The following LHPP variants were observed in gnomAD, a reference collection of about 807,000 sequenced individuals.
The protein encoded by LHPP is phospholysine phosphohistidine inorganic pyrophosphate phosphatase, also known as hLHPP.
Under a neutral mutation model 30.3 loss-of-function variants are expected in LHPP, and 24 were observed. The observed-to-expected ratio is 0.79, with a 90% confidence interval of 0.57 to 1.11. LHPP has a LOEUF of 1.11. Ranked by LOEUF, LHPP falls within the 50% of genes most tolerant of loss-of-function variation. The pLI is 0.00. For synonymous variants in LHPP, 150 were observed against 157.1 expected (o/e 0.95, Z 0.34); for missense variants, 356 against 367.2 (o/e 0.97, Z 0.25).
At chr10:124,563,350 G>GA (rs1448763755) in intron 6 of LHPP, among the ~76,000 whole-genome samples, 1 of 135,094 alleles carries the variant, frequency 7.4e-6, no homozygotes, top group African/African-American at 2.8e-5. Context: ...AGATCCTGCA[G>GA]AAAAAAGAAA....
rs1948671279 is a variant in LHPP, at chr10:124,576,947, T to A, written c.717-36317T>A. ...CATGATCCTGAGTGCACAGGTACATTGCTCCGCCCTCTCAACAGCCACGAC... is the reference window on the plus strand; with the variant it reads ...CATGATCCTGAGTGCACAGGTACATAGCTCCGCCCTCTCAACAGCCACGAC... On this transcript the variant is annotated intron_variant, in intron 6 of 6. Transcript: ENST00000368842. This position sits in a 1 kb window ranked among gnomAD's most constrained non-coding sequence, Gnocchi z 4.2. Among the ~76,000 whole-genome samples, 1 of 152,180 alleles carries A rather than the reference T, an allele frequency of 6.6e-6. No individual in the cohort carries two copies. Among genetic ancestry groups the A allele is most frequent in the South Asian group, 2.1e-4 (1 of 4,832 alleles).
intron 1 of LHPP, among the ~76,000 whole-genome samples, chr10:124,474,860 C>T (rs1190171531): frequency 4.6e-5 from 7 of 152,066 alleles, no homozygotes; most frequent in African/African-American, 1.7e-4. Flanking sequence ...TGCCCCTGGG[C>T]GATACACTCT....
chr10:124,591,662 T>C (rs1175911068), intron 6 of LHPP, among the ~76,000 whole-genome samples: 2 of 151,960 alleles, frequency 1.3e-5, no homozygotes, highest in East Asian at 3.9e-4. Context: ...TTCCTTAAGA[T>C]GGGAGCTTCA....
At position 124,541,953 on chromosome 10, in the gene LHPP, C is replaced by A. The variant is rs1298756507; in HGVS notation, c.716+24682C>A. On this transcript the variant is annotated intron_variant, in intron 6 of 6. Transcript: ENST00000368842. The surrounding 1 kb of genome is among the most constrained non-coding windows in gnomAD (Gnocchi z 4.2). ...TCGCAGAGTGCCCTGTGCCCACATG[C>A]TGTCCCTGTCCAGACATGAAACGGA... 6.6e-6 allele frequency among the ~76,000 whole-genome samples: 1 copy of A among 152,124 alleles called. No individual in the cohort carries two copies. Among genetic ancestry groups the A allele is most frequent in the African/African-American group, 2.4e-5 (1 of 41,416 alleles).
At chr10:124,532,178 C>T (rs1430746144) in intron 6 of LHPP, among the ~76,000 whole-genome samples, 1 of 152,204 alleles carries the variant, frequency 6.6e-6, no homozygotes, top group Admixed American at 6.5e-5. Context: ...AAAGATGTTT[C>T]AGGTTCATTT....
At chr10:124,530,896 C>T (rs1365371304) in intron 6 of LHPP, among the ~76,000 whole-genome samples, 1 of 125,652 alleles carries the variant, frequency 8.0e-6, no homozygotes, top group African/African-American at 3.1e-5. Context: ...CCAAGGTAGC[C>T]TCATCAGCCT....
intron 1 of LHPP, among the ~76,000 whole-genome samples, chr10:124,479,730 A>G (rs11245113): frequency 0.014 from 2,140 of 152,118 alleles, 24 homozygotes; most frequent in Non-Finnish European, 0.021. Flanking sequence ...TTATGCCTTC[A>G]TTTCACCTGA....
intron 1 of LHPP, 115 bp downstream of exon 1, chr10:124,462,102 C>T (rs1451529921): frequency 1.1e-5 from 11 of 986,120 alleles, no homozygotes; most frequent in Non-Finnish European, 1.0e-5. Context: ...GGCCCCGCCT[C>T]GGTCTCCCCC....
intron 4 of LHPP, among the ~76,000 whole-genome samples, 163 bp downstream of exon 4, chr10:124,497,187 G>GCCCTCA: frequency 6.6e-6 from 1 of 151,788 alleles, no homozygotes; most frequent in Middle Eastern, 3.4e-3. Context: ...CCGGGCCCTC[G>GCCCTCA]GGCCCTCAGG....
rs1953783241 is a variant in LHPP, at chr10:124,498,118, AAGCCCACCAGGT to A, written c.617_624+4del. On this transcript the variant is annotated splice_donor_variant and coding_sequence_variant, in exon 5 of 7. Coordinates refer to ENST00000368842, the MANE Select transcript of LHPP (RefSeq NM_022126.4). LOFTEE classifies it high-confidence loss of function. ...TCTGCCCTGCAAGCGATAGGAGTGGAAGCCCACCAGGTAGGTTGGCGCCTTGTGAAGTGGGTC... is the reference window on the plus strand; with the variant it reads ...TCTGCCCTGCAAGCGATAGGAGTGGAAGGTTGGCGCCTTGTGAAGTGGGTC... 6.2e-7 allele frequency: 1 copy of A among 1,612,968 alleles called. No homozygotes were observed. Among genetic ancestry groups the A allele is most frequent in the Admixed American group, 1.7e-5 (1 of 59,982 alleles).
At chr10:124,497,943 C>A in intron 4 of LHPP, 93 bp from the exon 5 acceptor site, 1 of 1,012,624 alleles carries the variant, frequency 9.9e-7, no homozygotes, top group Non-Finnish European at 1.6e-6. Flanking sequence ...GCCCTTGACT[C>A]TTGGGGGCAC....
At chr10:124,501,061 A>T (rs1388541829) in intron 5 of LHPP, among the ~76,000 whole-genome samples, 1 of 152,064 alleles carries the variant, frequency 6.6e-6, no homozygotes, top group Non-Finnish European at 1.5e-5. Flanking sequence ...GTGGAATATT[A>T]TTCAGCCATA....
intron 6 of LHPP, among the ~76,000 whole-genome samples, chr10:124,526,453 G>A (rs992593142): frequency 6.6e-6 from 1 of 152,150 alleles, no homozygotes; most frequent in Admixed American, 6.5e-5. Flanking sequence ...ATCGGGATTC[G>A]AACCCACCTC....
At position 124,613,593 on chromosome 10, in the gene LHPP, G is replaced by GGGAACAAA; in HGVS notation, c.*233_*234insGGAACAAA. 1 of 579,262 alleles carries GGGAACAAA rather than the reference G, an allele frequency of 1.7e-6. No individual in the cohort carries two copies. The highest frequency in any genetic ancestry group is 3.1e-6 in the Non-Finnish European group (1 of 322,132). 35.9% of individuals were successfully genotyped at this position (579,262 alleles called of 1,614,324 possible). A position where few individuals can be genotyped will look rare whatever the true frequency, so the allele number is the denominator to read the frequency against. On this transcript the variant is annotated 3_prime_UTR_variant, in exon 7 of 7. Transcript: ENST00000368842. ...GGGCAGGCATTTGTTCCCTACCTGG[G>GGGAACAAA]TGGCCTGCTCCCCTGCCTGGGCCCT...
intron 5 of LHPP, among the ~76,000 whole-genome samples, chr10:124,505,299 T>C (rs1564795557): frequency 6.6e-6 from 1 of 152,248 alleles, no homozygotes; most frequent in Non-Finnish European, 1.5e-5. Flanking sequence ...CTGGCTTTTT[T>C]ATTTTTAATG....
At chr10:124,542,179 G>A (rs966232774) in intron 6 of LHPP, among the ~76,000 whole-genome samples, 2 of 152,184 alleles carry the variant, frequency 1.3e-5, no homozygotes, top group Non-Finnish European at 1.5e-5. Flanking sequence ...GCTGGCGTTC[G>A]GGCCAGCATG....
intron 6 of LHPP, among the ~76,000 whole-genome samples, chr10:124,529,071 G>A (rs57776348): frequency 0.54 from 71,842 of 133,778 alleles, 19,396 homozygotes; most frequent in South Asian, 0.69. Context: ...TTGCTCTGTC[G>A]CCCAGGCTGG....
In LHPP at chr10:124,530,842, C is replaced by T. The variant is rs141054063; in HGVS notation, c.716+13571C>T. Reference sequence around the variant, plus strand: ...CAGGGCCGAGGGCCACCATCAGAGTCTCCTGCAGCCCTGGATTCCCTGGGC... The same window carrying T: ...CAGGGCCGAGGGCCACCATCAGAGTTTCCTGCAGCCCTGGATTCCCTGGGC... On this transcript the variant is annotated intron_variant, in intron 6 of 6. Transcript: ENST00000368842. Among the ~76,000 whole-genome samples, 35 of 152,358 alleles carry T rather than the reference C, an allele frequency of 2.3e-4. No individual in the cohort carries two copies. The East Asian group carries it at 6.2e-3, about 27-fold the overall frequency.
In LHPP at chr10:124,565,004, T is replaced by C. The variant is rs141857113; in HGVS notation, c.716+47733T>C. Among the ~76,000 whole-genome samples, 275 of 152,294 alleles carry C rather than the reference T, an allele frequency of 1.8e-3. 2 individuals are homozygous for C. Among genetic ancestry groups the C allele is most frequent in the Middle Eastern group, 0.01 (3 of 294 alleles). On this transcript the variant is annotated intron_variant, in intron 6 of 6. Transcript: ENST00000368842. ...GAATGATACAGTGGACTTTGGGGAC[T>C]TGGAGGAAGAGTGGGAGGGAACGAG... is the stretch of plus-strand genomic sequence containing the variant.
Sources: gnomAD v4.1 joint callset for allele counts (sites outside exome capture counted in the v4.1 genomes callset) on GRCh38, gnomAD v4.1.1 for gene constraint, Gnocchi (gnomAD v3.1) non-coding constraint, MANE v1.5 for transcripts, NCBI Gene and HGNC (gene_info 2026-07-23, HGNC 2026-07-21) for gene names.